UBAC1: variants seen among roughly 807,000 people sequenced by gnomAD.
The protein encoded by UBAC1 is UBA domain containing 1.
A neutral mutation model predicts 45.9 loss-of-function variants in UBAC1; 27 were observed. The ratio of observed to expected loss-of-function variants is 0.59; its 90% CI spans 0.43 to 0.81. UBAC1 has a LOEUF of 0.81. Ranked by LOEUF, UBAC1 falls within the 30% of genes least tolerant of loss-of-function variation. The pLI is 0.00. For missense variants in UBAC1, 529 were observed against 539.2 expected (o/e 0.98, Z 0.19); for synonymous variants, 227 against 215.5 (o/e 1.05, Z -0.47).
At chr9:135,943,522 G>C (rs1839292420) in intron 7 of UBAC1, among the ~76,000 whole-genome samples, 1 of 152,350 alleles carries the variant, frequency 6.6e-6, no homozygotes, top group East Asian at 1.9e-4. Flanking sequence ...ATGTAAATTA[G>C]TTCAACCACT....
intron 2 of UBAC1, among the ~76,000 whole-genome samples, chr9:135,954,984 C>T (rs1839449340): frequency 1.3e-5 from 2 of 152,222 alleles, no homozygotes; most frequent in African/African-American, 4.8e-5. Context: ...ATCACCACAA[C>T]GAAGGTGAAA....
chr9:135,954,303 C>T (rs781103525), intron 2 of UBAC1, among the ~76,000 whole-genome samples: 2 of 151,812 alleles, frequency 1.3e-5, no homozygotes, highest in Non-Finnish European at 2.9e-5. Context: ...AAAATAGTTG[C>T]GCATGGTGGC....
At position 135,933,382 on chromosome 9, in the gene UBAC1, C is replaced by A; in HGVS notation, c.*18G>T. 1 of 1,608,354 alleles carries A rather than the reference C, an allele frequency of 6.2e-7. No homozygotes were observed. The highest frequency in any genetic ancestry group is 8.5e-7 in the Non-Finnish European group (1 of 1,174,804). On this transcript the variant is annotated 3_prime_UTR_variant, in exon 10 of 10. Transcript: ENST00000371756. ...CAGGGGGCTGCTGTGGCCTGATAGC[C>A]GAGTGGAACAACGCCACCTACGTGC...
intron 3 of UBAC1, among the ~76,000 whole-genome samples, chr9:135,948,937 G>A (rs1164999273): frequency 1.3e-5 from 2 of 151,962 alleles, no homozygotes; most frequent in Non-Finnish European, 2.9e-5. Context: ...CGGTGTCCTG[G>A]TGCACACCTG....
intron 1 of UBAC1, among the ~76,000 whole-genome samples, chr9:135,956,684 G>T (rs1172627785): frequency 6.6e-6 from 1 of 152,206 alleles, no homozygotes; most frequent in Non-Finnish European, 1.5e-5. Flanking sequence ...GAATCGTGGG[G>T]TGAGAGGAGA....
At chr9:135,946,594 T>G (rs1839339822) in intron 4 of UBAC1, among the ~76,000 whole-genome samples, 1 of 152,220 alleles carries the variant, frequency 6.6e-6, no homozygotes, top group Non-Finnish European at 1.5e-5. Context: ...GAACGCCTGG[T>G]GACGGTCACT....
chr9:135,945,797 T>G, intron 6 of UBAC1, 92 bp downstream of exon 6: 1 of 962,112 alleles, frequency 1.0e-6, no homozygotes, highest in Non-Finnish European at 1.6e-6. Context: ...AGTCAAAGAG[T>G]TTAGGGTAGG....
At chr9:135,953,613 C>A in intron 3 of UBAC1, 67 bp downstream of exon 3, 2 of 1,456,990 alleles carry the variant, frequency 1.4e-6, no homozygotes, top group Non-Finnish European at 1.9e-6. Flanking sequence ...CCACTGTACC[C>A]AGCCTGTAAT....
At position 135,945,800 on chromosome 9, in the gene UBAC1, AG is replaced by A. The variant is rs1242760790; in HGVS notation, c.653+88del. On this transcript the variant is annotated intron_variant, in intron 6 of 9. Coordinates refer to ENST00000371756, the MANE Select transcript of UBAC1 (RefSeq NM_016172.3). ...TAGAAATGATTCAGTCAAAGAGTTT[AG>A]GGTAGGAGGACGTCACCCACGGTGG... 3.9e-5 allele frequency: 38 copies of A among 977,710 alleles called. 1 individual carries two copies. The highest frequency in any genetic ancestry group is 9.5e-6 in the Non-Finnish European group (6 of 632,738). 60.6% of individuals were successfully genotyped at this position (977,710 alleles called of 1,614,324 possible).
chr9:135,949,063 A>AG (rs1482819056), intron 3 of UBAC1, among the ~76,000 whole-genome samples: 1 of 151,736 alleles, frequency 6.6e-6, no homozygotes, highest in Non-Finnish European at 1.5e-5. Context: ...CCATCTCAAA[A>AG]AAAAAAAAAA....
chr9:135,948,274 C>A (rs113430958), intron 3 of UBAC1, among the ~76,000 whole-genome samples: 18 of 152,240 alleles, frequency 1.2e-4, no homozygotes, highest in African/African-American at 4.1e-4. Flanking sequence ...CTCATCTCTG[C>A]TCCTTCTGGA....
Position 135,957,507 on chromosome 9 carries a change from C to T in UBAC1, c.139-2092G>A, listed in dbSNP as rs115447551. 7.7e-3 allele frequency among the ~76,000 whole-genome samples: 1,167 copies of T among 152,198 alleles called. 16 individuals carry two copies. Among genetic ancestry groups the T allele is most frequent in the African/African-American group, 0.026 (1,096 of 41,516 alleles). On this transcript the variant is annotated intron_variant, in intron 1 of 9. Transcript: ENST00000371756. ...AACAACACGGAAGCACTAGGACGAC[C>T]GTGTCACTCTGCTTCTTTGTTCTCG...
chr9:135,960,053 C>T (rs1327379588), intron 1 of UBAC1, among the ~76,000 whole-genome samples: 2 of 152,190 alleles, frequency 1.3e-5, no homozygotes, highest in South Asian at 2.1e-4. Context: ...GAAGTTTATC[C>T]TTAGAGACCA....
At chr9:135,936,505 T>TG (rs975024626) in intron 9 of UBAC1, among the ~76,000 whole-genome samples, 156 of 151,736 alleles carry the variant, frequency 1.0e-3, no homozygotes, top group African/African-American at 3.7e-3. Flanking sequence ...TTTTCTTTTT[T>TG]TTTTTTTTGA....
Position 135,938,265 on chromosome 9 carries a change from G to C in UBAC1, c.1059C>G (p.Asn353Lys), listed in dbSNP as rs775241604. Residue 353 changes from asparagine to lysine, a missense_variant, in exon 9 of 10, where the codon AAC becomes AAG. Asn to Lys is a moderately conservative substitution (Grantham distance 94). Transcript: ENST00000371756. ...TGGTCAGGCCCAGCTGCACCACCGG[G>C]TTATCCAGGATGGCCTGAAAGAGAG... ...DSPLFQAILD[N>K]PVVQLGLTNP... is the part of the protein sequence containing the mutation. The C allele has an allele frequency of 1.1e-5, 17 of 1,614,210 alleles. No homozygotes were observed. Among genetic ancestry groups the C allele is most frequent in the Admixed American group, 5.0e-5 (3 of 60,028 alleles).
intron 1 of UBAC1, among the ~76,000 whole-genome samples, chr9:135,958,734 G>A (rs775629434): frequency 1.3e-5 from 2 of 152,118 alleles, no homozygotes; most frequent in African/African-American, 4.8e-5. Flanking sequence ...TACACAACTC[G>A]AGGGTTCTCT....
intron 1 of UBAC1, among the ~76,000 whole-genome samples, chr9:135,957,152 A>G (rs1452885767): frequency 2.6e-5 from 4 of 152,064 alleles, no homozygotes; most frequent in Non-Finnish European, 4.4e-5. Context: ...TACTCTCAAG[A>G]CTGAAAACGG....
Position 135,947,738 on chromosome 9 carries a change from C to A in UBAC1, c.441+60G>T, listed in dbSNP as rs543594006. 73 of 1,436,444 alleles carry A rather than the reference C, an allele frequency of 5.1e-5. No homozygotes were observed. In the Admixed American group the frequency reaches 1.3e-3, roughly 25 times the overall value. The allele number at this position is 1,436,444 out of a possible 1,614,324, so 89.0% of individuals were successfully genotyped here. On this transcript the variant is annotated intron_variant, in intron 4 of 9. Transcript: ENST00000371756. ...CTGCCCCGCCCCGCAGGAACCCCCC[C>A]ACAGCAATCCCCCACACGGGGACCC...
intron 1 of UBAC1, among the ~76,000 whole-genome samples, chr9:135,957,351 C>T (rs771764428): frequency 1.3e-5 from 2 of 152,144 alleles, no homozygotes; most frequent in Non-Finnish European, 2.9e-5. Flanking sequence ...GGTGCTTCCT[C>T]ATGATCCTAA....
Sources: allele counts gnomAD v4.1 joint callset (sites outside exome capture counted in the v4.1 genomes callset), GRCh38; gene constraint gnomAD v4.1.1; transcripts MANE v1.5; gene names NCBI Gene and HGNC (gene_info 2026-07-23, HGNC 2026-07-21).